The following FCGR2B variants were observed in gnomAD, a reference collection of about 807,000 sequenced individuals.
The protein encoded by FCGR2B is Fc gamma receptor IIb.
FCGR2B carries 18 observed loss-of-function variants against 24.8 expected under a neutral mutation model. The ratio of observed to expected loss-of-function variants is 0.73; its 90% CI spans 0.50 to 1.08. The LOEUF (loss-of-function observed/expected upper bound fraction) is 1.08. Ranked by LOEUF, FCGR2B falls within the 50% of genes least tolerant of loss-of-function variation. The pLI, the probability that FCGR2B is intolerant of heterozygous loss-of-function variation, is 0.00. For missense variants in FCGR2B, 215 were observed against 297.6 expected (o/e 0.72, Z 2.04); for synonymous variants, 79 against 109.8 (o/e 0.72, Z 1.75).
At chr1:161,661,305 G>A (rs1296183399), upstream of FCGR2B, among the ~76,000 whole-genome samples, 1 of 137,518 alleles carries the variant, frequency 7.3e-6, no homozygotes, top group Admixed American at 7.1e-5. Context: ...AGAAAGAAAG[G>A]AAAAACTCCA....
intron 4 of FCGR2B, 91 bp downstream of exon 4, chr1:161,673,320 G>A: frequency 6.2e-7 from 1 of 1,604,132 alleles, no homozygotes; most frequent in South Asian, 1.1e-5. Context: ...TCTGAGAAAG[G>A]CCACAGCGCA....
the FCGR2B span, among the ~76,000 whole-genome samples, chr1:161,653,280 G>A: frequency 1.5e-5 from 2 of 132,674 alleles, no homozygotes; most frequent in Non-Finnish European, 1.7e-5. Context: ...GCAGGCACCT[G>A]TAATCCCAGT....
intron 1 of FCGR2B, among the ~76,000 whole-genome samples, chr1:161,669,914 A>C (rs1183531763): frequency 3.7e-5 from 2 of 54,646 alleles, no homozygotes; most frequent in Non-Finnish European, 8.2e-5. Context: ...ACTCTGGCAA[A>C]ATTATTTATA....
At chr1:161,651,961 A>G in the FCGR2B span, among the ~76,000 whole-genome samples, 4 of 124,558 alleles carry the variant, frequency 3.2e-5, no homozygotes, top group Non-Finnish European at 7.3e-5. Flanking sequence ...AAAATAAAAT[A>G]AAATAAAATA....
chr1:161,652,527 G>A, the FCGR2B span, among the ~76,000 whole-genome samples: 1 of 134,444 alleles, frequency 7.4e-6, no homozygotes, highest in African/African-American at 2.6e-5. Context: ...TTCCACTAGA[G>A]CCTTTAACAT....
rs1682113819 is a variant in FCGR2B at position 161,676,176 on chromosome 1, G to C, written c.817+863G>C. On this transcript the variant is annotated intron_variant, in intron 6 of 7. Transcript: ENST00000358671. ...ACAAAGGAAACCAGTGCTTTCTCTG[G>C]GGGCTTCCATGACAGTAAGAACAGG... The C allele has an allele frequency of 3.5e-5, 8 of 227,952 alleles. No homozygotes were observed. In the East Asian group the frequency reaches 5.0e-4, roughly 14 times the overall value. The allele number at this position is 227,952 out of a possible 1,614,324, so 14.1% of individuals were successfully genotyped here. A position where few individuals can be genotyped will look rare whatever the true frequency, so the allele number is the denominator to read the frequency against.
intron 3 of FCGR2B, 83 bp downstream of exon 3, chr1:161,671,732 G>C (rs946439184): frequency 1.0e-5 from 16 of 1,596,420 alleles, no homozygotes; most frequent in African/African-American, 8.0e-5. Context: ...TGCAGGAAAG[G>C]GGGGTGGCCT....
chr1:161,648,540 G>T, the FCGR2B span, among the ~76,000 whole-genome samples: 23 of 150,734 alleles, frequency 1.5e-4, 3 homozygotes, highest in Admixed American at 6.6e-4. Flanking sequence ...TCTGTTTAAG[G>T]CTTTTGCACA....
At chr1:161,676,249 G>C (rs545239641) in intron 6 of FCGR2B, 2 of 216,688 alleles carry the variant, frequency 9.2e-6, no homozygotes, top group East Asian at 1.4e-4. Context: ...GCTGGAGTAT[G>C]ATTCAGAGCA....
the FCGR2B span, among the ~76,000 whole-genome samples, chr1:161,656,029 G>C: frequency 1.5e-5 from 2 of 132,046 alleles, no homozygotes; most frequent in African/African-American, 5.2e-5. Context: ...CTAATTTTTT[G>C]TATTTTTAGT....
In FCGR2B at chr1:161,675,114, G is replaced by C. The variant is rs1469692835; in HGVS notation, c.761-143G>C. On this transcript the variant is annotated intron_variant, in intron 5 of 7. Coordinates refer to ENST00000358671, the MANE Select transcript of FCGR2B (RefSeq NM_001394477.1). ...TCCAGGCGGGAGCAGCCTCTGAGCA[G>C]GGGAGCTGGGGGTGGGAGGACAGGA... 43 of 601,488 alleles carry C rather than the reference G, an allele frequency of 7.1e-5. No homozygotes were observed. The East Asian group carries it at 1.4e-3, about 20-fold the overall frequency. 37.3% of individuals were successfully genotyped at this position (601,488 alleles called of 1,614,324 possible).
At chr1:161,648,729 G>A in the FCGR2B span, among the ~76,000 whole-genome samples, 7 of 150,216 alleles carry the variant, frequency 4.7e-5, no homozygotes, top group East Asian at 3.9e-4. Flanking sequence ...TTGCTCTGTC[G>A]CCCAGGCTGG....
intron 3 of FCGR2B, chr1:161,672,654 C>T (rs1449483097): frequency 2.7e-5 from 12 of 446,580 alleles, no homozygotes; most frequent in South Asian, 5.4e-5. Flanking sequence ...AGAGGCCTGT[C>T]GGGCAGGAAA....
At chr1:161,656,005 G>A in the FCGR2B span, among the ~76,000 whole-genome samples, 1 of 131,436 alleles carries the variant, frequency 7.6e-6, no homozygotes, top group East Asian at 2.0e-4. Flanking sequence ...ACAGGCACGT[G>A]CCACAACCCC....
rs774478576 is a variant in FCGR2B at position 161,672,950 on chromosome 1, C to A, written c.392-25C>A. The A allele has an allele frequency of 1.9e-6, 3 of 1,613,508 alleles. No homozygotes were observed. The African/African-American group carries it at 4.0e-5, about 22-fold the overall frequency. Reference sequence around the variant, plus strand: ...GAGCTGAGCCAAGACCTCCCGGGTCCTCTGCGGTTTTTTGTGTCTTTCAGA... The same window carrying A: ...GAGCTGAGCCAAGACCTCCCGGGTCATCTGCGGTTTTTTGTGTCTTTCAGA... On this transcript the variant is annotated intron_variant, in intron 3 of 7. Coordinates refer to ENST00000358671, the MANE Select transcript of FCGR2B (RefSeq NM_001394477.1).
In FCGR2B at chr1:161,671,515, A is replaced by G; in HGVS notation, c.257A>G (p.His86Arg). ...SPESDSIQWF[H>R]NGNLIPTHTQ... ...GAGAGCGACTCCATTCAGTGGTTCC[A>G]CAATGGGAATCTCATTCCCACCCAC... Residue 86 changes from histidine to arginine, a missense_variant, in exon 3 of 8, where the codon CAC becomes CGC. Physicochemically the swap from His to Arg is conservative, Grantham distance 29. This residue lies in a region of FCGR2B where 77 missense variants were observed against 68.8 expected (regional missense o/e 1.12). Coordinates refer to ENST00000358671, the MANE Select transcript of FCGR2B (RefSeq NM_001394477.1). 2 of 1,614,186 alleles carry G rather than the reference A, an allele frequency of 1.2e-6. No homozygotes were observed. Among genetic ancestry groups the G allele is most frequent in the Non-Finnish European group, 8.5e-7 (1 of 1,180,046 alleles).
chr1:161,651,804 A>G, the FCGR2B span, among the ~76,000 whole-genome samples: 2 of 124,112 alleles, frequency 1.6e-5, no homozygotes, highest in South Asian at 5.8e-4. Context: ...GTGATGGCGC[A>G]TGCCTGTAAT....
chr1:161,647,297 CTTTTTTT>C, the FCGR2B span, among the ~76,000 whole-genome samples: 7 of 122,572 alleles, frequency 5.7e-5, no homozygotes, highest in Non-Finnish European at 1.0e-4. Flanking sequence ...GCTCTGGACT[CTTTTTTT>C]TTTTTTTTTT....
At chr1:161,654,335 G>A in the FCGR2B span, among the ~76,000 whole-genome samples, 1 of 123,002 alleles carries the variant, frequency 8.1e-6, no homozygotes, top group African/African-American at 2.6e-5. Context: ...ATGGTTTCCA[G>A]CCCCTTCCCC....
Sources: gnomAD v4.1 joint callset for allele counts (sites outside exome capture counted in the v4.1 genomes callset) on GRCh38, gnomAD v4.1.1 for gene constraint, gnomAD v4.1.1 regional missense constraint, MANE v1.5 for transcripts, NCBI Gene and HGNC (gene_info 2026-07-23, HGNC 2026-07-21) for gene names.